The following SORCS3 variants were observed in gnomAD, a reference collection of about 807,000 sequenced individuals.
The protein encoded by SORCS3 is VPS10 domain-containing receptor SorCS3.
In SORCS3, 57 loss-of-function variants were observed where a neutral mutation model predicts 146.3. That is an observed-to-expected ratio of 0.39 (90% confidence interval 0.31 to 0.49). The LOEUF is 0.49. Ranked by LOEUF, SORCS3 falls within the 20% of genes least tolerant of loss-of-function variation. The pLI is 0.92. For missense variants in SORCS3, 1,341 were observed against 1,575.5 expected (o/e 0.85, Z 2.52); for synonymous variants, 653 against 618.5 (o/e 1.06, Z -0.83).
chr10:105,160,847 G>A (rs1014039393), intron 11 of SORCS3, among the ~76,000 whole-genome samples: 5 of 152,142 alleles, frequency 3.3e-5, no homozygotes, highest in African/African-American at 1.2e-4. Flanking sequence ...TTTCCAGGCT[G>A]AGCCCTGACA....
chr10:105,047,797 C>G (rs942395996), intron 5 of SORCS3, among the ~76,000 whole-genome samples: 1 of 151,932 alleles, frequency 6.6e-6, no homozygotes, highest in Admixed American at 6.6e-5. Context: ...GGTGTTTGTG[C>G]CAGCAGCTTC....
chr10:104,954,781 T>G (rs1194605120), intron 3 of SORCS3, among the ~76,000 whole-genome samples: 2 of 152,156 alleles, frequency 1.3e-5, no homozygotes, highest in African/African-American at 4.8e-5. Context: ...CTGTTTAGAT[T>G]GACTGTTATT....
At chr10:105,082,802 C>T (rs2055634120) in intron 5 of SORCS3, among the ~76,000 whole-genome samples, 1 of 152,200 alleles carries the variant, frequency 6.6e-6, no homozygotes, top group South Asian at 2.1e-4. Flanking sequence ...GCGATCTTGG[C>T]TCACTGCAAC....
chr10:104,669,020 T>G (rs2015818733), intron 1 of SORCS3, among the ~76,000 whole-genome samples: 1 of 152,184 alleles, frequency 6.6e-6, no homozygotes, highest in Non-Finnish European at 1.5e-5. Context: ...CACATACACT[T>G]CAGCAGAGAG....
chr10:105,175,316 T>C (rs566054776), intron 13 of SORCS3, among the ~76,000 whole-genome samples: 1 of 151,424 alleles, frequency 6.6e-6, no homozygotes, highest in South Asian at 2.1e-4. Flanking sequence ...TGCCTCAGCC[T>C]CCTAAAGTGC....
intron 14 of SORCS3, among the ~76,000 whole-genome samples, chr10:105,196,185 A>G (rs969840518): frequency 2.0e-5 from 3 of 152,214 alleles, no homozygotes; most frequent in South Asian, 4.1e-4. Context: ...CTCGGAGTCA[A>G]TTAGGCTGTA....
intron 6 of SORCS3, among the ~76,000 whole-genome samples, chr10:105,092,145 A>G (rs1395158864): frequency 6.6e-6 from 1 of 152,234 alleles, no homozygotes; most frequent in Non-Finnish European, 1.5e-5. Context: ...TGAAAGTTCA[A>G]GAATTCTGGT....
chr10:104,680,864 G>A (rs1159291593), intron 1 of SORCS3, among the ~76,000 whole-genome samples: 1 of 152,216 alleles, frequency 6.6e-6, no homozygotes, highest in Admixed American at 6.5e-5. Context: ...CTTCTCTCAA[G>A]CACCAGCAAG....
chr10:104,671,897 C>T (rs2015859660), intron 1 of SORCS3, among the ~76,000 whole-genome samples: 1 of 152,082 alleles, frequency 6.6e-6, no homozygotes, highest in Non-Finnish European at 1.5e-5. Context: ...AGGATTTTTC[C>T]AGCTGTGTCA....
At chr10:104,709,920 A>T (rs904390457) in intron 1 of SORCS3, among the ~76,000 whole-genome samples, 26 of 151,484 alleles carry the variant, frequency 1.7e-4, no homozygotes, top group South Asian at 2.1e-4. Flanking sequence ...AATTAAAAAA[A>T]TTTTTTTTAA....
intron 2 of SORCS3, among the ~76,000 whole-genome samples, chr10:104,888,136 C>G (rs1339072799): frequency 1.3e-5 from 2 of 152,172 alleles, no homozygotes; most frequent in Admixed American, 6.5e-5. Flanking sequence ...TTTTAGTGAG[C>G]ATTGTAAAAA....
At chr10:104,995,403 A>G (rs904951744) in intron 4 of SORCS3, among the ~76,000 whole-genome samples, 6 of 152,000 alleles carry the variant, frequency 3.9e-5, no homozygotes, top group African/African-American at 7.2e-5. Context: ...CGTGATCTGC[A>G]CGCCTCTGCC....
rs139563169 is a variant in SORCS3 at position 105,217,266 on chromosome 10, T to G, written c.2734+144T>G. 10 of 731,960 alleles carry G rather than the reference T, an allele frequency of 1.4e-5. No individual in the cohort carries two copies. In the African/African-American group the frequency reaches 1.8e-4, roughly 13 times the overall value. 45.3% of individuals were successfully genotyped at this position (731,960 alleles called of 1,614,324 possible). ...ACCAAATGGTGGAGATATGTACTCA[T>G]CTGTGTTTCTGAGTATTATGGTACT... is the stretch of plus-strand genomic sequence containing the variant. On this transcript the variant is annotated intron_variant, in intron 19 of 26. Coordinates refer to ENST00000369701, the MANE Select transcript of SORCS3 (RefSeq NM_014978.3).
chr10:105,018,468 G>A (rs1297758098), intron 4 of SORCS3, among the ~76,000 whole-genome samples: 1 of 152,142 alleles, frequency 6.6e-6, no homozygotes, highest in African/African-American at 2.4e-5. Flanking sequence ...CTAATTGGAG[G>A]AGGAGTGGTC....
chr10:104,925,817 G>A (rs1589551762), intron 3 of SORCS3, among the ~76,000 whole-genome samples: 1 of 152,196 alleles, frequency 6.6e-6, no homozygotes, highest in Non-Finnish European at 1.5e-5. Context: ...AGTTACTACA[G>A]CCTTAAAACA....
chr10:104,884,113 G>A (rs2018658553), intron 2 of SORCS3, among the ~76,000 whole-genome samples: 1 of 152,172 alleles, frequency 6.6e-6, no homozygotes, highest in Non-Finnish European at 1.5e-5. Context: ...TTACCCTTCT[G>A]AAATCATTCA....
At chr10:105,016,468 A>G (rs901607638) in intron 4 of SORCS3, among the ~76,000 whole-genome samples, 1 of 152,034 alleles carries the variant, frequency 6.6e-6, no homozygotes, top group African/African-American at 2.4e-5. Context: ...TATATTTTAT[A>G]AACCTAAAAT....
intron 5 of SORCS3, among the ~76,000 whole-genome samples, chr10:105,074,260 C>T (rs1019309200): frequency 1.3e-5 from 2 of 152,184 alleles, no homozygotes; most frequent in African/African-American, 4.8e-5. Flanking sequence ...GAATTGGGAG[C>T]TGTCATTTAT....
intron 25 of SORCS3, among the ~76,000 whole-genome samples, chr10:105,260,426 AATT>A (rs2056953909): frequency 6.6e-6 from 1 of 152,184 alleles, no homozygotes; most frequent in Admixed American, 6.5e-5. Flanking sequence ...ATTAATTTTT[AATT>A]ATACCACATT....
Sources: gnomAD v4.1 joint callset for allele counts (sites outside exome capture counted in the v4.1 genomes callset) on GRCh38, gnomAD v4.1.1 for gene constraint, MANE v1.5 for transcripts, NCBI Gene and HGNC (gene_info 2026-07-23, HGNC 2026-07-21) for gene names.